Variants in C2orf42 observed in about 807,000 individuals in gnomAD.
C2orf42 encodes chromosome 2 open reading frame 42, also known as uncharacterized protein C2orf42.
A neutral mutation model predicts 58.9 loss-of-function variants in C2orf42; 44 were observed. The observed-to-expected ratio is 0.75, with a 90% CI of 0.59 to 0.96. The LOEUF (loss-of-function observed/expected upper bound fraction) is 0.96, where lower values mean the gene tolerates loss of function less well. C2orf42 is among the 40% of genes least tolerant of loss of function. The pLI is 0.00. For missense variants in C2orf42, 630 were observed against 699.2 expected (o/e 0.90, Z 1.12); for synonymous variants, 239 against 265.4 (o/e 0.90, Z 0.97).
Position 70,150,391 on chromosome 2 carries a change from C to A in C2orf42, c.1690G>T (p.Glu564Ter). Residue 564 changes from glutamate (E) to a stop codon, truncating the protein, a stop_gained, in exon 10 of 10, where the codon GAA becomes TAA. Coordinates refer to ENST00000264434, the MANE Select transcript of C2orf42 (RefSeq NM_017880.3). LOFTEE classifies it high-confidence loss of function. Reference sequence around the variant, plus strand: ...GTAATAGTGGTCAGAGGGGCCAGTTCCAAGGGCTGGTCCAAGGGGGGCCGC... The same window carrying A: ...GTAATAGTGGTCAGAGGGGCCAGTTACAAGGGCTGGTCCAAGGGGGGCCGC... ...DQRPPLDQPLELAPLTTITFP is the reference protein window; with the variant it reads ...DQRPPLDQPL 1.2e-6 allele frequency: 2 copies of A among 1,614,074 alleles called. No individual in the cohort carries two copies. The highest frequency in any genetic ancestry group is 8.5e-7 in the Non-Finnish European group (1 of 1,180,034).
rs770800376 is a variant in C2orf42, at chr2:70,179,672, A to G, written c.824-30T>C. The stretch of plus-strand genomic sequence containing the variant: ...AAAAAAGAAGATTTCTGAATTATTA[A>G]TCCTATCCAAGGGTAAGTATAAGTA... On this transcript the variant is annotated intron_variant, in intron 3 of 9. Transcript: ENST00000264434. 19 of 919,186 alleles carry G rather than the reference A, an allele frequency of 2.1e-5. 1 individual carries two copies. In the South Asian group the frequency reaches 2.5e-4, roughly 12 times the overall value. 56.9% of individuals were successfully genotyped at this position (919,186 alleles called of 1,614,324 possible).
At chr2:70,152,684 T>G (rs1429459687) in intron 9 of C2orf42, among the ~76,000 whole-genome samples, 2 of 152,190 alleles carry the variant, frequency 1.3e-5, no homozygotes, top group African/African-American at 2.4e-5. Flanking sequence ...TCCCCACTCA[T>G]GTACCTGAAT....
At chr2:70,170,802 T>C (rs927659467) in intron 5 of C2orf42, among the ~76,000 whole-genome samples, 4 of 149,632 alleles carry the variant, frequency 2.7e-5, no homozygotes, top group Non-Finnish European at 4.4e-5. Flanking sequence ...AAACTGCATA[T>C]AAAAGAATGG....
intron 9 of C2orf42, among the ~76,000 whole-genome samples, chr2:70,158,036 T>G (rs2104847003): frequency 6.6e-6 from 1 of 151,702 alleles, no homozygotes; most frequent in South Asian, 2.1e-4. Flanking sequence ...CCTGTCTCAC[T>G]AAATATACAA....
At chr2:70,156,429 G>A (rs1192503985) in intron 9 of C2orf42, among the ~76,000 whole-genome samples, 1 of 151,946 alleles carries the variant, frequency 6.6e-6, no homozygotes, top group African/African-American at 2.4e-5. Flanking sequence ...AGGCTGTAGT[G>A]CACTATGATC....
At chr2:70,187,252 TTTG>T (rs55739053) in intron 1 of C2orf42, among the ~76,000 whole-genome samples, 43,441 of 151,712 alleles carry the variant, frequency 0.29, 6,785 homozygotes, top group East Asian at 0.39. Context: ...TTCTTTTACT[TTTG>T]TTGTTGTTGT....
rs538083972 is a variant in C2orf42, at chr2:70,184,057, T to C, written c.-281-1122A>G. ...AACTCCTGGCCTCAAGCGCTCCTCC[T>C]GCCTTGTCCTCTTAAAGTGCTGGGA... On this transcript the variant is annotated intron_variant, in intron 1 of 9. Coordinates refer to ENST00000264434, the MANE Select transcript of C2orf42 (RefSeq NM_017880.3). Among the ~76,000 whole-genome samples the C allele has an allele frequency of 2.6e-5, 4 of 152,244 alleles. No individual in the cohort carries two copies. In the South Asian group the frequency reaches 8.3e-4, roughly 32 times the overall value.
chr2:70,185,990 T>C (rs918034175), intron 1 of C2orf42, among the ~76,000 whole-genome samples: 14 of 135,130 alleles, frequency 1.0e-4, no homozygotes, highest in African/African-American at 3.5e-4. Context: ...CCATCCCTAA[T>C]TGTAAAAAAA....
At chr2:70,153,404 G>A (rs1296576048) in intron 9 of C2orf42, among the ~76,000 whole-genome samples, 3 of 144,698 alleles carry the variant, frequency 2.1e-5, no homozygotes, top group Non-Finnish European at 3.0e-5. Flanking sequence ...TTGCTCTGTC[G>A]CCAGGCTGTA....
intron 9 of C2orf42, among the ~76,000 whole-genome samples, chr2:70,157,521 G>C (rs2104844350): frequency 6.6e-6 from 1 of 152,164 alleles, no homozygotes; most frequent in Admixed American, 6.5e-5. Flanking sequence ...ATATAGCTGG[G>C]CGCGGTGGCT....
rs7425260 is a variant in C2orf42 at position 70,164,021 on chromosome 2, T to A, written c.1353+1071A>T. Reference sequence around the variant, plus strand: ...CCTATCTTAAATTTTTTTTTTTTTTTAATTAATAGGGTGGGCCTGGTGGCT... The same window carrying A: ...CCTATCTTAAATTTTTTTTTTTTTTAAATTAATAGGGTGGGCCTGGTGGCT... On this transcript the variant is annotated intron_variant, in intron 8 of 9. Coordinates refer to ENST00000264434, the MANE Select transcript of C2orf42 (RefSeq NM_017880.3). 7.3e-5 allele frequency among the ~76,000 whole-genome samples: 11 copies of A among 150,290 alleles called. No individual in the cohort carries two copies. The Admixed American group carries it at 7.5e-4, about 10-fold the overall frequency.
At chr2:70,158,264 T>C (rs907152128) in intron 9 of C2orf42, among the ~76,000 whole-genome samples, 2 of 149,996 alleles carry the variant, frequency 1.3e-5, no homozygotes, top group African/African-American at 4.9e-5. Flanking sequence ...AAACTAGAAA[T>C]TGGAAACTAA....
At chr2:70,179,853 A>C (rs1389209545) in intron 3 of C2orf42, among the ~76,000 whole-genome samples, 4 of 151,924 alleles carry the variant, frequency 2.6e-5, no homozygotes, top group Non-Finnish European at 2.9e-5. Flanking sequence ...TGGGAGGATC[A>C]CTTTAGCCCA....
chr2:70,179,934 G>A (rs891567945), intron 3 of C2orf42, among the ~76,000 whole-genome samples: 1 of 151,396 alleles, frequency 6.6e-6, no homozygotes, highest in African/African-American at 2.4e-5. Flanking sequence ...GGCAGACGCT[G>A]TCTCAAAAAA....
intron 9 of C2orf42, among the ~76,000 whole-genome samples, chr2:70,151,740 C>G (rs998744067): frequency 6.6e-6 from 1 of 152,066 alleles, no homozygotes; most frequent in Non-Finnish European, 1.5e-5. Flanking sequence ...TCTCTCAGCA[C>G]TACTAAATCT....
At chr2:70,164,026 A>G (rs1219516308) in intron 8 of C2orf42, among the ~76,000 whole-genome samples, 1 of 149,788 alleles carries the variant, frequency 6.7e-6, no homozygotes, top group Non-Finnish European at 1.5e-5. Flanking sequence ...TTTTTTAATT[A>G]ATAGGGTGGG....
rs1385053251 is a variant in C2orf42 at position 70,181,888 on chromosome 2, G to A, written c.98C>T (p.Thr33Ile). ...RGIRKCPRCG[T>I]YNGTRGLSCK... ...GCTCAGTCCCCGGGTTCCATTGTAT[G>A]TGCCACATCGGGGACACTTTCTGAT... Residue 33 changes from threonine (T) to isoleucine (I), a missense_variant, in exon 3 of 10, where the codon ACA becomes ATA. By Grantham distance (89) the Thr-to-Ile change is moderately conservative. Transcript: ENST00000264434. 1 of 1,613,722 alleles carries A rather than the reference G, an allele frequency of 6.2e-7. No homozygotes were observed. The highest frequency in any genetic ancestry group is 2.2e-5 in the East Asian group (1 of 44,882).
intron 1 of C2orf42, among the ~76,000 whole-genome samples, chr2:70,187,441 C>G (rs1212450156): frequency 6.6e-6 from 1 of 151,798 alleles, no homozygotes; most frequent in African/African-American, 2.4e-5. Flanking sequence ...TTAGTAGAGA[C>G]AGGGTTTCAC....
intron 7 of C2orf42, 85 bp downstream of exon 7, chr2:70,165,443 C>T (rs1218382573): frequency 4.2e-5 from 34 of 801,422 alleles, no homozygotes; most frequent in Admixed American, 1.0e-4. Flanking sequence ...TGAATACTCA[C>T]GGTGAATATT....
Sources: gnomAD v4.1 joint callset for allele counts (sites outside exome capture counted in the v4.1 genomes callset) on GRCh38, gnomAD v4.1.1 for gene constraint, MANE v1.5 for transcripts, NCBI Gene and HGNC (gene_info 2026-07-23, HGNC 2026-07-21) for gene names.